DPY19L3: variants seen among roughly 807,000 people sequenced by gnomAD.
DPY19L3 encodes the protein protein C-mannosyl-transferase DPY19L3.
In DPY19L3, 51 loss-of-function variants were observed where a neutral mutation model predicts 92.3. That is an observed-to-expected ratio of 0.55 (90% CI 0.44 to 0.70). The LOEUF is 0.70. DPY19L3 is among the 30% of genes least tolerant of loss of function. The pLI is 0.00. For synonymous variants in DPY19L3, 309 were observed against 315.2 expected (o/e 0.98, Z 0.21); for missense variants, 706 against 855.9 (o/e 0.82, Z 2.18).
At chr19:32,447,775 A>AGATT (rs1555721948) in intron 8 of DPY19L3, among the ~76,000 whole-genome samples, 5,554 of 126,802 alleles carry the variant, frequency 0.044, 127 homozygotes, top group African/African-American at 0.071. Flanking sequence ...ATAGATAGAT[A>AGATT]GATTAGATAA....
chr19:32,414,168 G>C (rs1968296416), intron 3 of DPY19L3, among the ~76,000 whole-genome samples: 1 of 152,134 alleles, frequency 6.6e-6, no homozygotes, highest in South Asian at 2.1e-4. Flanking sequence ...CACCTTTAAT[G>C]CCCGCACTTT....
intron 10 of DPY19L3, among the ~76,000 whole-genome samples, chr19:32,457,444 G>A (rs1197473447): frequency 2.0e-5 from 3 of 152,110 alleles, no homozygotes; most frequent in African/African-American, 7.2e-5. Flanking sequence ...AATATATTGT[G>A]TGTACTGAAC....
rs138737877 is a variant in DPY19L3 at position 32,432,544 on chromosome 19, A to G, written c.238-172A>G. ...TAGGACAGACTCCCATGTATCCCTC[A>G]CTCAGCTTTAACAGTGATCAGCCTT... On this transcript the variant is annotated intron_variant, in intron 3 of 18. Transcript: ENST00000392250. Among the ~76,000 whole-genome samples the G allele has an allele frequency of 2.6e-3, 393 of 152,138 alleles. 3 individuals are homozygous for G. The highest frequency in any genetic ancestry group is 9.2e-3 in the African/African-American group (383 of 41,494).
At position 32,419,945 on chromosome 19, in the gene DPY19L3, C is replaced by T. The variant is rs1011054880; in HGVS notation, c.237+8573C>T. Reference sequence around the variant, plus strand: ...CACAATTTTGGCTCACTGCAACCTCCGCATCCCAGATTCACACGGTTCTCC... The same window carrying T: ...CACAATTTTGGCTCACTGCAACCTCTGCATCCCAGATTCACACGGTTCTCC... On this transcript the variant is annotated intron_variant, in intron 3 of 18. Transcript: ENST00000392250. Among the ~76,000 whole-genome samples, 8 of 150,956 alleles carry T rather than the reference C, an allele frequency of 5.3e-5. 1 individual carries two copies. In the South Asian group the frequency reaches 1.3e-3, roughly 24 times the overall value.
At chr19:32,418,355 G>C (rs950862946) in intron 3 of DPY19L3, among the ~76,000 whole-genome samples, 4 of 152,188 alleles carry the variant, frequency 2.6e-5, no homozygotes, top group African/African-American at 9.7e-5. Flanking sequence ...TTTGTGTTTT[G>C]CTTAGATTCG....
intron 3 of DPY19L3, among the ~76,000 whole-genome samples, chr19:32,416,030 T>A (rs1968366584): frequency 6.6e-6 from 1 of 152,080 alleles, no homozygotes; most frequent in Non-Finnish European, 1.5e-5. Flanking sequence ...CAAAAGTCTC[T>A]AAGGTAGGAA....
chr19:32,417,293 T>G (rs1968410206), intron 3 of DPY19L3, among the ~76,000 whole-genome samples: 1 of 152,174 alleles, frequency 6.6e-6, no homozygotes, highest in South Asian at 2.1e-4. Context: ...GTTCTCATGA[T>G]AGTGTCACGA....
At chr19:32,477,689 G>C in intron 17 of DPY19L3, 35 bp downstream of exon 17, 1 of 1,612,524 alleles carries the variant, frequency 6.2e-7, no homozygotes, top group Non-Finnish European at 8.5e-7. Flanking sequence ...CGCTTCTTGT[G>C]GGCCAGCTAT....
At position 32,439,046 on chromosome 19, in the gene DPY19L3, A is replaced by T. The variant is rs1969239520; in HGVS notation, c.597-66A>T. 12 of 1,542,894 alleles carry T rather than the reference A, an allele frequency of 7.8e-6. No individual in the cohort carries two copies. The South Asian group carries it at 1.3e-4, about 17-fold the overall frequency. ...CCTTAATGTAATATATCTTTCGTTG[A>T]GGAAGTCTTCGAGGAAATTATTGTA... On this transcript the variant is annotated intron_variant, in intron 6 of 18. Transcript: ENST00000392250.
intron 15 of DPY19L3, among the ~76,000 whole-genome samples, chr19:32,465,115 A>G (rs1311938072): frequency 6.6e-6 from 1 of 152,230 alleles, no homozygotes; most frequent in African/African-American, 2.4e-5. Flanking sequence ...TTATTTTCCC[A>G]TTACCTGATT....
chr19:32,423,240 TTTTA>T (rs934617377), intron 3 of DPY19L3, among the ~76,000 whole-genome samples: 17 of 151,936 alleles, frequency 1.1e-4, no homozygotes, highest in African/African-American at 1.7e-4. Flanking sequence ...TTGTCATTAA[TTTTA>T]TTTATTTATT....
rs184790446 is a variant in DPY19L3 at position 32,471,851 on chromosome 19, C to T, written c.1697+3038C>T. Among the ~76,000 whole-genome samples the T allele has an allele frequency of 1.9e-3, 282 of 152,254 alleles. 1 individual carries two copies. The highest frequency in any genetic ancestry group is 5.6e-3 in the African/African-American group (233 of 41,528). On this transcript the variant is annotated intron_variant, in intron 16 of 18. Transcript: ENST00000392250. ...GACACTTAACATGAGAAGGGTCATACCCAAGGGATTGGATTCCTGTGAAGA... is the reference window on the plus strand; with the variant it reads ...GACACTTAACATGAGAAGGGTCATATCCAAGGGATTGGATTCCTGTGAAGA...
intron 6 of DPY19L3, among the ~76,000 whole-genome samples, chr19:32,438,302 A>G (rs967783652): frequency 1.3e-5 from 2 of 152,120 alleles, no homozygotes; most frequent in East Asian, 3.9e-4. Flanking sequence ...GCACTTTACA[A>G]TATGTGTTAT....
chr19:32,463,214 C>A, intron 12 of DPY19L3, 152 bp from the exon 13 acceptor site: 3 of 832,600 alleles, frequency 3.6e-6, no homozygotes, highest in Non-Finnish European at 3.6e-6. Context: ...CTCATAAATT[C>A]AAAATTGATC....
intron 3 of DPY19L3, among the ~76,000 whole-genome samples, chr19:32,419,509 G>A (rs982622983): frequency 6.6e-6 from 1 of 152,026 alleles, no homozygotes; most frequent in African/African-American, 2.4e-5. Context: ...CACTCAGGCT[G>A]GAGTGCAGTG....
chr19:32,414,069 G>A (rs1244764470), intron 3 of DPY19L3, among the ~76,000 whole-genome samples: 7 of 151,988 alleles, frequency 4.6e-5, no homozygotes, highest in East Asian at 1.9e-4. Flanking sequence ...GATCACTTGA[G>A]GTCAGGAGTT....
rs1970551718 is a variant in DPY19L3, at chr19:32,477,647, C to A, written c.1823C>A (p.Thr608Asn). The A allele has an allele frequency of 6.2e-7, 1 of 1,613,914 alleles. No homozygotes were observed. The highest frequency in any genetic ancestry group is 1.7e-5 in the Admixed American group (1 of 60,004). Residue 608 changes from threonine to asparagine, a missense_variant, in exon 17 of 19, where the codon ACC becomes AAC. Coordinates refer to ENST00000392250, the MANE Select transcript of DPY19L3 (RefSeq NM_001172774.2). ...HYEDSSLRER[T>N]RAVYQIYAKR... ...GAAGACAGCAGCCTGAGAGAGCGGA[C>A]CAGAGCGGTGAGGCTCCCCAGTGCC...
At chr19:32,420,506 G>A (rs1968532818) in intron 3 of DPY19L3, among the ~76,000 whole-genome samples, 1 of 151,922 alleles carries the variant, frequency 6.6e-6, no homozygotes, top group Non-Finnish European at 1.5e-5. Context: ...GTACAGTAGT[G>A]TAGTCTTGGC....
intron 10 of DPY19L3, among the ~76,000 whole-genome samples, chr19:32,457,309 G>T (rs1423216373): frequency 6.6e-6 from 1 of 152,160 alleles, no homozygotes; most frequent in Non-Finnish European, 1.5e-5. Context: ...GGACTGTTAA[G>T]ATCTCTTCCG....
Sources: gnomAD v4.1 joint callset for allele counts (sites outside exome capture counted in the v4.1 genomes callset) on GRCh38, gnomAD v4.1.1 for gene constraint, MANE v1.5 for transcripts, NCBI Gene and HGNC (gene_info 2026-07-23, HGNC 2026-07-21) for gene names.